KLHL29: variants seen among roughly 807,000 people sequenced by gnomAD.
KLHL29 encodes kelch-like protein 29.
KLHL29 carries 21 observed loss-of-function variants against 80.4 expected under a neutral mutation model. The observed-to-expected ratio is 0.26, with a 90% CI of 0.19 to 0.38. The LOEUF is 0.38. Among genes scored for constraint, KLHL29 ranks in the 10% least tolerant of loss-of-function variants. KLHL29 has a pLI of 1.00. For missense variants in KLHL29, 867 were observed against 1,223.9 expected (o/e 0.71, Z 4.35); for synonymous variants, 511 against 526.8 (o/e 0.97, Z 0.41).
intron 3 of KLHL29, among the ~76,000 whole-genome samples, chr2:23,604,143 TATTTTTTTTA>T (rs1451958281): frequency 3.7e-5 from 2 of 54,532 alleles, no homozygotes; most frequent in Non-Finnish European, 8.2e-5. Context: ...TTTGTTTTTT[TATTTTTTTTA>T]TTTTTTTTAT....
chr2:23,687,746 T>TCGAAA (rs776585439), intron 6 of KLHL29, among the ~76,000 whole-genome samples: 8 of 151,942 alleles, frequency 5.3e-5, no homozygotes, highest in Middle Eastern at 3.4e-3. Context: ...AAGAGCAAGG[T>TCGAAA]CGAAAGGCGG....
chr2:23,428,779 A>G (rs1291678895), intron 1 of KLHL29, among the ~76,000 whole-genome samples: 2 of 152,214 alleles, frequency 1.3e-5, no homozygotes, highest in East Asian at 1.9e-4. Context: ...AAGATTTTAC[A>G]TGATGCAAGG....
intron 6 of KLHL29, among the ~76,000 whole-genome samples, chr2:23,686,199 C>T (rs1242261218): frequency 6.6e-6 from 1 of 152,094 alleles, no homozygotes; most frequent in Non-Finnish European, 1.5e-5. Context: ...GCAGGCAAGC[C>T]CTGACCCCAT....
intron 3 of KLHL29, among the ~76,000 whole-genome samples, chr2:23,593,022 G>C (rs892148582): frequency 6.6e-6 from 1 of 152,150 alleles, no homozygotes; most frequent in Non-Finnish European, 1.5e-5. Flanking sequence ...TGTCCACCGT[G>C]GAGTCATGCA....
At chr2:23,484,163 C>G (rs2103443979) in intron 2 of KLHL29, among the ~76,000 whole-genome samples, 1 of 152,334 alleles carries the variant, frequency 6.6e-6, no homozygotes, top group Non-Finnish European at 1.5e-5. Context: ...ATGACCATCG[C>G]AGGCTGGAGA....
intron 1 of KLHL29, among the ~76,000 whole-genome samples, chr2:23,435,901 T>C (rs890622061): frequency 3.6e-4 from 51 of 143,568 alleles, no homozygotes; most frequent in East Asian, 1.4e-3. Flanking sequence ...CTCTCTCTCT[T>C]TTTTTTTTTT....
chr2:23,690,613 C>T (rs1671531238), intron 6 of KLHL29: 1 of 152,198 alleles, frequency 6.6e-6, no homozygotes, highest in African/African-American at 2.4e-5. Flanking sequence ...GGACCGGGCT[C>T]AGGGTGGGAA....
At chr2:23,411,021 C>T (rs947652472) in intron 1 of KLHL29, among the ~76,000 whole-genome samples, 15 of 152,150 alleles carry the variant, frequency 9.9e-5, no homozygotes, top group Admixed American at 2.0e-4. Context: ...CCTTAAATTA[C>T]GTGCTTAAAT....
intron 1 of KLHL29, among the ~76,000 whole-genome samples, chr2:23,438,350 G>A (rs1180736264): frequency 1.3e-5 from 2 of 149,500 alleles, no homozygotes; most frequent in Non-Finnish European, 3.0e-5. Flanking sequence ...ACACCATGTT[G>A]AATAGGAGTG....
intron 3 of KLHL29, among the ~76,000 whole-genome samples, chr2:23,615,460 G>A (rs907916746): frequency 1.3e-5 from 2 of 152,138 alleles, no homozygotes; most frequent in African/African-American, 4.8e-5. Flanking sequence ...AGCATCTCAT[G>A]TGTGTCTCTG....
intron 3 of KLHL29, among the ~76,000 whole-genome samples, chr2:23,566,214 G>T (rs1667586039): frequency 6.6e-6 from 1 of 152,174 alleles, no homozygotes; most frequent in Non-Finnish European, 1.5e-5. Context: ...GTACAGGGAG[G>T]GTCTGGTGGG....
intron 1 of KLHL29, among the ~76,000 whole-genome samples, chr2:23,468,554 C>T (rs1486008396): frequency 2.0e-5 from 3 of 152,302 alleles, no homozygotes; most frequent in Admixed American, 1.3e-4. Flanking sequence ...CCCCCCTCCC[C>T]GCCGAGCATC....
intron 3 of KLHL29, among the ~76,000 whole-genome samples, chr2:23,563,651 G>A (rs367885534): frequency 3.3e-5 from 5 of 152,172 alleles, no homozygotes; most frequent in African/African-American, 4.8e-5. Flanking sequence ...GGTGTGCTGC[G>A]CCTTTGTCTC....
intron 3 of KLHL29, among the ~76,000 whole-genome samples, chr2:23,607,846 TG>T (rs1297312781): frequency 1.3e-5 from 2 of 152,164 alleles, no homozygotes; most frequent in Non-Finnish European, 2.9e-5. Context: ...ATGGAAAAAT[TG>T]TCTTCCACAA....
At chr2:23,422,439 A>G (rs1178724025) in intron 1 of KLHL29, among the ~76,000 whole-genome samples, 2 of 129,766 alleles carry the variant, frequency 1.5e-5, no homozygotes, top group East Asian at 2.3e-4. Flanking sequence ...TGTGTGTTGT[A>G]TGTTCCTGTG....
At chr2:23,476,571 A>G (rs1178529772) in intron 2 of KLHL29, among the ~76,000 whole-genome samples, 1 of 152,194 alleles carries the variant, frequency 6.6e-6, no homozygotes, top group African/African-American at 2.4e-5. Flanking sequence ...ATAGAAATCT[A>G]TATCACCATT....
At chr2:23,575,827 C>T (rs1243392889) in intron 3 of KLHL29, among the ~76,000 whole-genome samples, 1 of 152,178 alleles carries the variant, frequency 6.6e-6, no homozygotes, top group Non-Finnish European at 1.5e-5. Flanking sequence ...CCAGAACCTG[C>T]CCACTCCACC....
intron 2 of KLHL29, among the ~76,000 whole-genome samples, chr2:23,513,618 G>A (rs1205598156): frequency 6.6e-6 from 1 of 152,194 alleles, no homozygotes; most frequent in Admixed American, 6.5e-5. Flanking sequence ...AAGCTGAACC[G>A]CTTGACGTGA....
chr2:23,641,145 G>A lies in KLHL29; in HGVS notation c.428-1193G>A, dbSNP rs1392949739. The stretch of plus-strand genomic sequence containing the variant: ...CATTTAGTCAGAGGCATCCCAGACT[G>A]GCCTTCCCTGTCATGGTGTCTCCCA... On this transcript the variant is annotated intron_variant, in intron 4 of 13. Transcript: ENST00000486442. Among the ~76,000 whole-genome samples the A allele has an allele frequency of 2.6e-5, 4 of 152,140 alleles. No individual in the cohort carries two copies. The East Asian group carries it at 7.7e-4, about 29-fold the overall frequency.
Sources: allele counts gnomAD v4.1 joint callset (sites outside exome capture counted in the v4.1 genomes callset), GRCh38; gene constraint gnomAD v4.1.1; transcripts MANE v1.5; gene names NCBI Gene and HGNC (gene_info 2026-07-23, HGNC 2026-07-21).